The following FARS2 variants were observed in gnomAD, a reference collection of about 807,000 sequenced individuals.
The protein encoded by FARS2 is phenylalanyl-tRNA synthetase 2, mitochondrial, also known as phenylalanine--tRNA ligase, mitochondrial.
Under a neutral mutation model 46.4 loss-of-function variants are expected in FARS2, and 40 were observed. The ratio of observed to expected loss-of-function variants is 0.86; its 90% CI spans 0.67 to 1.12. The LOEUF is 1.12. Ranked by LOEUF, FARS2 falls within the 50% of genes most tolerant of loss-of-function variation. The pLI, the probability that FARS2 is intolerant of heterozygous loss-of-function variation, is 0.00. For synonymous variants in FARS2, 234 were observed against 214.9 expected (o/e 1.09, Z -0.78); for missense variants, 513 against 567.9 (o/e 0.90, Z 0.98).
At chr6:5,709,673 T>G (rs1256969443) in intron 6 of FARS2, among the ~76,000 whole-genome samples, 12 of 21,692 alleles carry the variant, frequency 5.5e-4, no homozygotes, top group South Asian at 2.9e-3. Context: ...TCCAAGAGGG[T>G]GTGTGTGTGT....
chr6:5,303,228 T>TA (rs1768449834), intron 1 of FARS2, among the ~76,000 whole-genome samples: 1 of 151,950 alleles, frequency 6.6e-6, no homozygotes, highest in Admixed American at 6.6e-5. Flanking sequence ...AGTGAAGGTA[T>TA]AGAGGAGAGA....
At chr6:5,451,018 A>T (rs1015901316) in intron 4 of FARS2, among the ~76,000 whole-genome samples, 33 of 152,258 alleles carry the variant, frequency 2.2e-4, no homozygotes, top group African/African-American at 6.0e-4. Flanking sequence ...CTAGTATTTT[A>T]GATACGATTG....
At chr6:5,382,499 G>A (rs1390390812) in intron 2 of FARS2, among the ~76,000 whole-genome samples, 1 of 152,120 alleles carries the variant, frequency 6.6e-6, no homozygotes, top group Non-Finnish European at 1.5e-5. Flanking sequence ...AAATCTAGTT[G>A]TTAGATATTG....
chr6:5,268,419 T>C (rs1021484648), intron 1 of FARS2, among the ~76,000 whole-genome samples: 2 of 152,236 alleles, frequency 1.3e-5, no homozygotes, highest in Non-Finnish European at 2.9e-5. Context: ...AGCTTCTACA[T>C]ATGGCTAGCC....
intron 6 of FARS2, among the ~76,000 whole-genome samples, chr6:5,731,509 T>C (rs906011930): frequency 1.1e-3 from 169 of 152,306 alleles, no homozygotes; most frequent in African/African-American, 3.9e-3. Flanking sequence ...TTAGAAGCCA[T>C]GGGCGCCATT....
chr6:5,417,708 C>T (rs1212421497), intron 3 of FARS2, among the ~76,000 whole-genome samples: 2 of 152,072 alleles, frequency 1.3e-5, no homozygotes, highest in Admixed American at 6.5e-5. Context: ...TTATGATGTA[C>T]ATAGATACAG....
chr6:5,610,774 C>A (rs886281571), intron 5 of FARS2, among the ~76,000 whole-genome samples: 1 of 152,186 alleles, frequency 6.6e-6, no homozygotes, highest in Non-Finnish European at 1.5e-5. Flanking sequence ...TTCCACAATT[C>A]TATGGTTGTG....
chr6:5,521,717 T>A (rs1053747215), intron 4 of FARS2, among the ~76,000 whole-genome samples: 1 of 152,192 alleles, frequency 6.6e-6, no homozygotes, highest in Admixed American at 6.5e-5. Context: ...GCAGAACTCA[T>A]GGTGATACGA....
At chr6:5,550,197 C>A (rs553392449) in intron 5 of FARS2, among the ~76,000 whole-genome samples, 1 of 152,308 alleles carries the variant, frequency 6.6e-6, no homozygotes, top group African/African-American at 2.4e-5. Flanking sequence ...GTTTCAAGGC[C>A]TGGGGATAAT....
intron 5 of FARS2, among the ~76,000 whole-genome samples, chr6:5,581,719 G>GA (rs1773338478): frequency 6.6e-6 from 1 of 152,190 alleles, no homozygotes; most frequent in Non-Finnish European, 1.5e-5. Context: ...TTCCTGATGT[G>GA]CTTTTCTAAA....
chr6:5,405,578 T>C lies in FARS2; in HGVS notation c.772+877T>C, dbSNP rs190092803. 7.2e-4 allele frequency among the ~76,000 whole-genome samples: 105 copies of C among 145,924 alleles called. 1 individual carries two copies. Among genetic ancestry groups the C allele is most frequent in the East Asian group, 2.2e-4 (1 of 4,642 alleles). On this transcript the variant is annotated intron_variant, in intron 3 of 6. Transcript: ENST00000274680. ...GGTGATCTCAGCTCACTGCAAGCTC[T>C]GCCTCCTGGGTTCACGCCATTCTCC... is the stretch of plus-strand genomic sequence containing the variant.
At chr6:5,386,827 C>T (rs1760163553) in intron 2 of FARS2, among the ~76,000 whole-genome samples, 1 of 152,072 alleles carries the variant, frequency 6.6e-6, no homozygotes, top group Non-Finnish European at 1.5e-5. Context: ...GTAGAAATGC[C>T]CCCTTGGCAG....
intron 5 of FARS2, among the ~76,000 whole-genome samples, chr6:5,597,865 G>A (rs184941277): frequency 6.6e-6 from 1 of 152,036 alleles, no homozygotes; most frequent in African/African-American, 2.4e-5. Flanking sequence ...GACTAACATT[G>A]ATATCCTTTT....
At chr6:5,321,059 T>C (rs1485121808) in intron 1 of FARS2, among the ~76,000 whole-genome samples, 2 of 152,186 alleles carry the variant, frequency 1.3e-5, no homozygotes, top group East Asian at 1.9e-4. Flanking sequence ...GGGTTACCAA[T>C]GAGGGCAGGT....
intron 2 of FARS2, among the ~76,000 whole-genome samples, chr6:5,389,709 T>C (rs1156310782): frequency 6.6e-6 from 1 of 152,166 alleles, no homozygotes; most frequent in Non-Finnish European, 1.5e-5. Flanking sequence ...TGAAGTGACA[T>C]TATTATATTT....
intron 6 of FARS2, among the ~76,000 whole-genome samples, chr6:5,628,097 G>A (rs1416466038): frequency 6.6e-6 from 1 of 152,228 alleles, no homozygotes; most frequent in Non-Finnish European, 1.5e-5. Context: ...TAGCTTCCAG[G>A]AGCAGAAAAC....
At chr6:5,593,732 C>G (rs1985346) in intron 5 of FARS2, among the ~76,000 whole-genome samples, 128,045 of 152,202 alleles carry the variant, frequency 0.84, 54,059 homozygotes, top group African/African-American at 0.91. Context: ...GAAAATGTTT[C>G]ATTCGATTTT....
At chr6:5,594,845 G>A (rs1774110401) in intron 5 of FARS2, among the ~76,000 whole-genome samples, 1 of 152,234 alleles carries the variant, frequency 6.6e-6, no homozygotes, top group South Asian at 2.1e-4. Context: ...TGGGAAAACT[G>A]TGATGTGAAT....
chr6:5,287,270 A>G (rs922305812), intron 1 of FARS2, among the ~76,000 whole-genome samples: 2 of 152,118 alleles, frequency 1.3e-5, no homozygotes, highest in Admixed American at 6.6e-5. Flanking sequence ...GGCTGTAGAC[A>G]TTTGCTGTGG....
Sources: gnomAD v4.1 joint callset for allele counts (sites outside exome capture counted in the v4.1 genomes callset) on GRCh38, gnomAD v4.1.1 for gene constraint, MANE v1.5 for transcripts, NCBI Gene and HGNC (gene_info 2026-07-23, HGNC 2026-07-21) for gene names.